The following KIF21A variants were observed in gnomAD, a reference collection of about 807,000 sequenced individuals.
KIF21A encodes the protein kinesin-like protein KIF21A.
Under a neutral mutation model 202.9 loss-of-function variants are expected in KIF21A, and 114 were observed. That is an observed-to-expected ratio of 0.56 (90% CI 0.48 to 0.66). The LOEUF (loss-of-function observed/expected upper bound fraction) is 0.66. Among genes scored for constraint, KIF21A ranks in the 30% least tolerant of loss-of-function variants. The pLI, the probability that KIF21A is intolerant of heterozygous loss-of-function variation, is 0.00. For synonymous variants in KIF21A, 667 were observed against 670.8 expected, an observed-to-expected ratio of 0.99 and a Z score of 0.09; for missense variants, 1,677 against 1,994.9, an observed-to-expected ratio of 0.84 and a Z score of 3.04.
At chr12:39,414,953 G>T (rs1416019326) in intron 1 of KIF21A, among the ~76,000 whole-genome samples, 1 of 148,334 alleles carries the variant, frequency 6.7e-6, no homozygotes. Flanking sequence ...AATGGAATGG[G>T]TTTATCAGAG....
chr12:39,424,481 C>T (rs1954592634), intron 1 of KIF21A, among the ~76,000 whole-genome samples: 1 of 152,222 alleles, frequency 6.6e-6, no homozygotes, highest in African/African-American at 2.4e-5. Context: ...GACCAGACAT[C>T]TTCCCTGTGA....
intron 1 of KIF21A, among the ~76,000 whole-genome samples, chr12:39,410,349 T>C (rs1463499849): frequency 6.6e-6 from 1 of 152,108 alleles, no homozygotes; most frequent in African/African-American, 2.4e-5. Context: ...ACAACAACAG[T>C]AGGAAACTAA....
In KIF21A at chr12:39,309,680, A is replaced by AT. The variant is rs1380016890; in HGVS notation, c.4182dup (p.Tyr1395IlefsTer3). ...AAGACCAAACTGGTATAATTACAGTATTTTACAGACACGACATTGTTGGGA... is the reference window on the plus strand; with the variant it reads ...AAGACCAAACTGGTATAATTACAGTATTTTTACAGACACGACATTGTTGGGA... On this transcript the variant is annotated frameshift_variant, in exon 33 of 38. Coordinates refer to ENST00000361418, the MANE Select transcript of KIF21A (RefSeq NM_001173464.2). LOFTEE classifies it high-confidence loss of function. 6.2e-7 allele frequency: 1 copy of AT among 1,613,266 alleles called. No individual in the cohort carries two copies. The highest frequency in any genetic ancestry group is 1.3e-5 in the African/African-American group (1 of 74,878).
chr12:39,437,314 G>A (rs1445194533), intron 1 of KIF21A, among the ~76,000 whole-genome samples: 1 of 152,182 alleles, frequency 6.6e-6, no homozygotes, highest in Non-Finnish European at 1.5e-5. Flanking sequence ...CCTGAAACCT[G>A]AAGTTCCATT....
intron 34 of KIF21A, among the ~76,000 whole-genome samples, chr12:39,306,661 G>A (rs942979109): frequency 2.0e-5 from 3 of 152,170 alleles, no homozygotes; most frequent in Non-Finnish European, 4.4e-5. Context: ...AATTGGAAAT[G>A]TTACTAAGAA....
intron 7 of KIF21A, among the ~76,000 whole-genome samples, chr12:39,360,076 G>A (rs955985680): frequency 6.6e-6 from 1 of 152,098 alleles, no homozygotes; most frequent in African/African-American, 2.4e-5. Context: ...GAAGAATAGT[G>A]AAAGTCAGGA....
Position 39,356,527 on chromosome 12 carries a change from G to T in KIF21A, c.1469+305C>A, listed in dbSNP as rs560459250. 19 of 236,230 alleles carry T rather than the reference G, an allele frequency of 8.0e-5. No homozygotes were observed. In the Admixed American group the frequency reaches 8.1e-4, roughly 10 times the overall value. The allele number at this position is 236,230 out of a possible 1,614,324, so 14.6% of individuals were successfully genotyped here. Reference sequence around the variant, plus strand: ...GGGGGAAGAGGCATACGAAGGAAAGGCATCAAAGATAACTTCAGCAACATA... The same window carrying T: ...GGGGGAAGAGGCATACGAAGGAAAGTCATCAAAGATAACTTCAGCAACATA... On this transcript the variant is annotated intron_variant, in intron 10 of 37. Coordinates refer to ENST00000361418, the MANE Select transcript of KIF21A (RefSeq NM_001173464.2).
chr12:39,300,721 T>C (rs1942884824), intron 37 of KIF21A, among the ~76,000 whole-genome samples: 1 of 152,114 alleles, frequency 6.6e-6, no homozygotes, highest in Non-Finnish European at 1.5e-5. Context: ...GTCATTTATA[T>C]ATATAAACTG....
intron 37 of KIF21A, among the ~76,000 whole-genome samples, chr12:39,298,263 A>T (rs901702443): frequency 2.6e-5 from 4 of 152,216 alleles, no homozygotes; most frequent in African/African-American, 9.6e-5. Context: ...AGACAAAACA[A>T]AATCCAGAAA....
chr12:39,367,226 A>G (rs753074998), intron 4 of KIF21A, 62 bp from the exon 5 acceptor site: 1 of 1,569,574 alleles, frequency 6.4e-7, no homozygotes, highest in Non-Finnish European at 8.8e-7. Context: ...ATACAATCCA[A>G]AGTCTGAGGT....
At chr12:39,438,703 A>G (rs1451274723) in intron 1 of KIF21A, among the ~76,000 whole-genome samples, 1 of 152,216 alleles carries the variant, frequency 6.6e-6, no homozygotes, top group Non-Finnish European at 1.5e-5. Flanking sequence ...TATACAGAGA[A>G]TAACATAAAA....
chr12:39,325,784 T>C, intron 26 of KIF21A, 55 bp downstream of exon 26: 1 of 1,208,796 alleles, frequency 8.3e-7, no homozygotes, highest in South Asian at 1.2e-5. Flanking sequence ...TGTTAAATAG[T>C]GATAACAAAT....
At chr12:39,324,175 T>C (rs1053820974) in intron 26 of KIF21A, among the ~76,000 whole-genome samples, 1 of 151,848 alleles carries the variant, frequency 6.6e-6, no homozygotes, top group African/African-American at 2.4e-5. Flanking sequence ...GAGTAGCAGG[T>C]AGCACTTCAG....
In KIF21A at chr12:39,318,188, T is replaced by C. The variant is rs201205072; in HGVS notation, c.3793A>G (p.Thr1265Ala). 5.6e-6 allele frequency: 9 copies of C among 1,613,402 alleles called. No individual in the cohort carries two copies. The highest frequency in any genetic ancestry group is 7.6e-6 in the Non-Finnish European group (9 of 1,179,442). The change falls in exon 29 of 38, where the codon ACT (threonine) becomes GCT (alanine). Residue 1265 changes from threonine to alanine, a missense_variant. Coordinates refer to ENST00000361418, the MANE Select transcript of KIF21A (RefSeq NM_001173464.2). ...GGAGGTGAAAGACTAGCCTCTGAAG[T>C]TCCAGAATCTGAGCTACAAGAAAAA... Reference protein sequence around the residue: ...AKEQKHSDSGTSEASLSPPSS... With the variant: ...AKEQKHSDSGASEASLSPPSS...
At chr12:39,372,235 A>AT (rs1171093392) in intron 1 of KIF21A, among the ~76,000 whole-genome samples, 1 of 152,220 alleles carries the variant, frequency 6.6e-6, no homozygotes, top group African/African-American at 2.4e-5. Context: ...CTAAAACAGA[A>AT]TTTTGTATGC....
At chr12:39,402,625 A>G (rs1837734704) in intron 1 of KIF21A, among the ~76,000 whole-genome samples, 1 of 152,162 alleles carries the variant, frequency 6.6e-6, no homozygotes, top group Non-Finnish European at 1.5e-5. Flanking sequence ...AATTTTACCC[A>G]GTAACATACA....
At chr12:39,322,628 G>A in intron 27 of KIF21A, 40 bp downstream of exon 27, 2 of 1,477,254 alleles carry the variant, frequency 1.4e-6, no homozygotes, top group Non-Finnish European at 1.9e-6. Context: ...TTTTTTTAAA[G>A]CCAAAAGAAA....
intron 7 of KIF21A, among the ~76,000 whole-genome samples, chr12:39,359,253 C>T (rs1448596421): frequency 2.6e-5 from 4 of 152,166 alleles, no homozygotes; most frequent in African/African-American, 7.2e-5. Flanking sequence ...CTCTTGCTTA[C>T]CCTTACTGTT....
At chr12:39,427,466 C>T (rs1167292366) in intron 1 of KIF21A, among the ~76,000 whole-genome samples, 3 of 152,142 alleles carry the variant, frequency 2.0e-5, no homozygotes, top group African/African-American at 7.2e-5. Flanking sequence ...TACTTTTACA[C>T]CGCTACTACC....
Sources: allele counts gnomAD v4.1 joint callset (sites outside exome capture counted in the v4.1 genomes callset), GRCh38; gene constraint gnomAD v4.1.1; transcripts MANE v1.5; gene names NCBI Gene and HGNC (gene_info 2026-07-23, HGNC 2026-07-21).